CELF2: variants seen among roughly 807,000 people sequenced by gnomAD.
CELF2 encodes the protein CUG triplet repeat RNA-binding protein 2.
CELF2 carries 8 observed loss-of-function variants against 62.6 expected under a neutral mutation model. The ratio of observed to expected loss-of-function variants is 0.13; its 90% CI spans 0.07 to 0.23. The LOEUF (loss-of-function observed/expected upper bound fraction) is 0.23. Ranked by LOEUF, CELF2 falls within the 10% of genes least tolerant of loss-of-function variation. The pLI, the probability that CELF2 is intolerant of heterozygous loss-of-function variation, is 1.00. For missense variants in CELF2, 333 were observed against 671.0 expected (o/e 0.50, Z 5.56); for synonymous variants, 258 against 250.0 (o/e 1.03, Z -0.30).
chr10:10,736,357 A>ATCCTTTCTTTCTTTCTTTCT, the CELF2 span, among the ~76,000 whole-genome samples: 1 of 109,672 alleles, frequency 9.1e-6, no homozygotes, highest in Non-Finnish European at 1.8e-5. Flanking sequence ...ACTGATTTCT[A>ATCCTTTCTTTCTTTCTTTCT]TTCTTTCTTT....
chr10:10,600,530 C>T, the CELF2 span, among the ~76,000 whole-genome samples: 1 of 152,138 alleles, frequency 6.6e-6, no homozygotes, highest in African/African-American at 2.4e-5. Context: ...AACAGAAGCC[C>T]AAAGTGGCAG....
In CELF2 at chr10:11,177,752, C is replaced by CA. The variant is rs2071757143; in HGVS notation, c.271+12072dup. On this transcript the variant is annotated intron_variant, in intron 2 of 12. Coordinates refer to ENST00000633077, the MANE Select transcript of CELF2 (RefSeq NM_001326342.2). The surrounding 1 kb of genome is among the most constrained non-coding windows in gnomAD (Gnocchi z 4.8). ...TTTGTCCTTTCTGTTCAGGATTCAA[C>CA]AATTGCTTGTTGATTTGGGGTGAAG... is the stretch of plus-strand genomic sequence containing the variant. Among the ~76,000 whole-genome samples the CA allele has an allele frequency of 6.6e-6, 1 of 152,186 alleles. No individual in the cohort carries two copies. Among genetic ancestry groups the CA allele is most frequent in the South Asian group, 2.1e-4 (1 of 4,832 alleles).
intron 2 of CELF2, among the ~76,000 whole-genome samples, chr10:10,941,870 T>G (rs1351276778): frequency 6.6e-6 from 1 of 151,916 alleles, no homozygotes; most frequent in African/African-American, 2.4e-5. Flanking sequence ...GGCAGGTGCC[T>G]GTAATCCCAG....
chr10:10,711,028 G>T, the CELF2 span, among the ~76,000 whole-genome samples: 1 of 151,742 alleles, frequency 6.6e-6, no homozygotes, highest in African/African-American at 2.4e-5. Context: ...TGATATTTTG[G>T]TCCAGAGAAT....
upstream of CELF2, among the ~76,000 whole-genome samples, chr10:11,003,519 C>T (rs545540661): frequency 4.6e-5 from 7 of 152,292 alleles, no homozygotes; most frequent in Admixed American, 6.5e-5. This position sits in a 1 kb window ranked among gnomAD's most constrained non-coding sequence, Gnocchi z 4.4. Context: ...ATAATATTTA[C>T]GCTGACTGAA....
At chr10:10,639,077 G>A in the CELF2 span, among the ~76,000 whole-genome samples, 3 of 152,162 alleles carry the variant, frequency 2.0e-5, no homozygotes, top group Non-Finnish European at 2.9e-5. Context: ...GAAAAACCCA[G>A]AAGAGAGCTT....
chr10:10,594,305 G>A, the CELF2 span, among the ~76,000 whole-genome samples: 1 of 152,158 alleles, frequency 6.6e-6, no homozygotes, highest in African/African-American at 2.4e-5. Context: ...CGCTCATTTA[G>A]AAAGAAAAAG....
the CELF2 span, among the ~76,000 whole-genome samples, chr10:10,509,917 G>A: frequency 6.6e-6 from 1 of 152,120 alleles, no homozygotes. Flanking sequence ...GAGATGGAGG[G>A]GCCACCAGTG....
At chr10:10,677,333 T>C in the CELF2 span, among the ~76,000 whole-genome samples, 1 of 152,176 alleles carries the variant, frequency 6.6e-6, no homozygotes, top group African/African-American at 2.4e-5. Flanking sequence ...GGTCCTGGCA[T>C]AAACCCATGA....
At chr10:11,184,347 G>A (rs764177213) in intron 2 of CELF2, among the ~76,000 whole-genome samples, 19 of 152,108 alleles carry the variant, frequency 1.2e-4, no homozygotes, top group Non-Finnish European at 1.8e-4. Flanking sequence ...TTCCAACTTC[G>A]TTCCTCATTT....
the CELF2 span, among the ~76,000 whole-genome samples, chr10:10,706,951 G>T: frequency 6.6e-6 from 1 of 152,168 alleles, no homozygotes; most frequent in Admixed American, 6.5e-5. Context: ...ATCTCAGAAG[G>T]CCTTTAATGT....
chr10:11,063,972 G>A (rs1378783299), intron 1 of CELF2, among the ~76,000 whole-genome samples: 3 of 152,122 alleles, frequency 2.0e-5, no homozygotes, highest in Non-Finnish European at 2.9e-5. Flanking sequence ...GCTGTTTATC[G>A]GTGGAGTTGC....
intron 1 of CELF2, among the ~76,000 whole-genome samples, chr10:11,072,600 A>G (rs971465939): frequency 2.6e-5 from 4 of 152,160 alleles, no homozygotes; most frequent in Admixed American, 2.6e-4. Flanking sequence ...TCTGGGACAA[A>G]CCAGCATTAT....
chr10:11,173,972 A>T (rs2069982251), intron 2 of CELF2, among the ~76,000 whole-genome samples: 1 of 152,186 alleles, frequency 6.6e-6, no homozygotes, highest in African/African-American at 2.4e-5. Flanking sequence ...GACAGTCGGG[A>T]GAATTGAAGA....
rs1242375254 is a variant in CELF2, at chr10:11,011,953, C to A, written c.53+6513C>A. On this transcript the variant is annotated intron_variant, in intron 1 of 12. Coordinates refer to the CELF2 transcript ENST00000416382. This position sits in a 1 kb window ranked among gnomAD's most constrained non-coding sequence, Gnocchi z 4.6. ...TTCAACCTACATGTCACTTTAATAG[C>A]TTGGTTATATAACTGCTGTAGTGAT... is the stretch of plus-strand genomic sequence containing the variant. 6.6e-6 allele frequency among the ~76,000 whole-genome samples: 1 copy of A among 152,170 alleles called. No individual in the cohort carries two copies. The highest frequency in any genetic ancestry group is 1.5e-5 in the Non-Finnish European group (1 of 68,034).
In CELF2 at chr10:10,947,103, G is replaced by C. The variant is rs2047774686; in HGVS notation, c.89+27104G>C. On this transcript the variant is annotated intron_variant, in intron 2 of 13. Transcript: ENST00000636488. This position sits in a 1 kb window ranked among gnomAD's most constrained non-coding sequence, Gnocchi z 4.1. The stretch of plus-strand genomic sequence containing the variant: ...TGCAGTGCATGTCACAGGCAGGTCT[G>C]GAAGGCTTTGCTGTCCTTGCTGTGT... The C allele has an allele frequency of 6.6e-6, 1 of 152,234 alleles. No homozygotes were observed. The highest frequency in any genetic ancestry group is 1.5e-5 in the Non-Finnish European group (1 of 68,036). 9.4% of individuals were successfully genotyped at this position (152,234 alleles called of 1,614,324 possible).
At chr10:11,175,749 C>T (rs1208591798) in intron 2 of CELF2, among the ~76,000 whole-genome samples, 9 of 152,100 alleles carry the variant, frequency 5.9e-5, no homozygotes, top group African/African-American at 1.7e-4. Flanking sequence ...AGAACAGAAA[C>T]GATGAAAAAT....
chr10:11,262,564 T>C (rs904804060), intron 5 of CELF2, among the ~76,000 whole-genome samples: 1 of 152,188 alleles, frequency 6.6e-6, no homozygotes, highest in Non-Finnish European at 1.5e-5. Flanking sequence ...TTTTGCCAGC[T>C]ATTAAGTAGG....
the CELF2 span, among the ~76,000 whole-genome samples, chr10:10,589,095 C>T: frequency 3.3e-5 from 5 of 152,100 alleles, no homozygotes; most frequent in African/African-American, 1.2e-4. Flanking sequence ...AGACAGGAGA[C>T]ATCAATTAAT....
Sources: allele counts gnomAD v4.1 joint callset (sites outside exome capture counted in the v4.1 genomes callset), GRCh38; gene constraint gnomAD v4.1.1; non-coding constraint Gnocchi (gnomAD v3.1); transcripts MANE v1.5; gene names NCBI Gene and HGNC (gene_info 2026-07-23, HGNC 2026-07-21).